Variants in LRBA observed in about 807,000 individuals in gnomAD.
LRBA encodes the protein LPS responsive beige-like anchor protein, also known as lipopolysaccharide-responsive and beige-like anchor protein.
In LRBA, 176 loss-of-function variants were observed where a neutral mutation model predicts 330.0. That is an observed-to-expected ratio of 0.53 (90% CI 0.47 to 0.60). LRBA has a LOEUF of 0.60. LRBA is among the 20% of genes least tolerant of loss of function. The probability of loss-of-function intolerance (pLI) is 0.00; values close to 1 mark genes in which losing one functional copy is unlikely to be tolerated. For missense variants in LRBA, 3,259 were observed against 3,444.8 expected (o/e 0.95, Z 1.35); for synonymous variants, 1,230 against 1,193.0 (o/e 1.03, Z -0.64).
intron 43 of LRBA, among the ~76,000 whole-genome samples, chr4:150,468,499 C>T (rs549418971): frequency 6.6e-4 from 101 of 152,082 alleles, no homozygotes; most frequent in Admixed American, 1.2e-3. Flanking sequence ...AGTCCTTCTA[C>T]ATATGTACAG....
At chr4:150,338,826 T>G (rs1211629644) in intron 48 of LRBA, among the ~76,000 whole-genome samples, 1 of 152,208 alleles carries the variant, frequency 6.6e-6, no homozygotes, top group African/African-American at 2.4e-5. Flanking sequence ...CATGTGACTC[T>G]GGCATTAGTT....
intron 22 of LRBA, among the ~76,000 whole-genome samples, chr4:150,857,679 T>A (rs942940285): frequency 6.6e-6 from 1 of 152,130 alleles, no homozygotes; most frequent in African/African-American, 2.4e-5. Context: ...AAGGAACAGA[T>A]AAAGTATGAT....
chr4:150,753,553 A>G (rs1456296553), intron 35 of LRBA, among the ~76,000 whole-genome samples: 1 of 152,180 alleles, frequency 6.6e-6, no homozygotes, highest in East Asian at 1.9e-4. Flanking sequence ...TGAAACATCT[A>G]TACAAACATA....
intron 37 of LRBA, among the ~76,000 whole-genome samples, chr4:150,664,287 T>G (rs1315050238): frequency 6.6e-6 from 1 of 152,196 alleles, no homozygotes. Flanking sequence ...TAGATATAGA[T>G]CATATAAACA....
chr4:150,497,619 A>G (rs1269390475), intron 40 of LRBA, among the ~76,000 whole-genome samples: 1 of 152,200 alleles, frequency 6.6e-6, no homozygotes, highest in Non-Finnish European at 1.5e-5. Flanking sequence ...TGACAAATTC[A>G]ATTAAACATA....
chr4:150,755,812 T>A (rs1440099079), intron 35 of LRBA, among the ~76,000 whole-genome samples: 1 of 151,598 alleles, frequency 6.6e-6, no homozygotes, highest in African/African-American at 2.4e-5. Context: ...TTTGGGAGGC[T>A]GAATGACTTA....
chr4:150,921,975 G>T (rs10008077), intron 4 of LRBA, among the ~76,000 whole-genome samples: 16 of 152,012 alleles, frequency 1.1e-4, no homozygotes, highest in South Asian at 2.1e-4. Flanking sequence ...CACCTGCCTG[G>T]GCCTCCCAAA....
intron 40 of LRBA, among the ~76,000 whole-genome samples, chr4:150,560,277 G>A (rs1308510066): frequency 6.6e-6 from 1 of 151,862 alleles, no homozygotes; most frequent in African/African-American, 2.4e-5. Context: ...GAGCACGAAT[G>A]ATAAATGAGG....
intron 46 of LRBA, among the ~76,000 whole-genome samples, chr4:150,435,247 AG>A (rs1250484385): frequency 1.3e-5 from 2 of 152,130 alleles, no homozygotes; most frequent in Non-Finnish European, 2.9e-5. Flanking sequence ...GCTACTTGGG[AG>A]GCTGAGGCAG....
At chr4:150,732,312 G>A (rs557626248) in intron 36 of LRBA, among the ~76,000 whole-genome samples, 18 of 151,668 alleles carry the variant, frequency 1.2e-4, no homozygotes, top group South Asian at 1.0e-3. Flanking sequence ...AGGATTACTC[G>A]GTAAATGGGT....
Position 150,852,825 on chromosome 4 carries a change from C to A in LRBA, c.2885G>T (p.Arg962Ile). 3 of 1,613,984 alleles carry A rather than the reference C, an allele frequency of 1.9e-6. No homozygotes were observed. The highest frequency in any genetic ancestry group is 2.5e-6 in the Non-Finnish European group (3 of 1,179,930). The change falls in exon 23 of 57, where the codon AGA (arginine) becomes ATA (isoleucine). Residue 962 changes from arginine (R) to isoleucine (I), a missense_variant. Physicochemically the swap from Arg to Ile is moderately conservative, Grantham distance 97. Coordinates refer to ENST00000651943, the MANE Select transcript of LRBA (RefSeq NM_001364905.1). ...STSVQAASGIRRDINVSVGSQ... is the reference protein window; with the variant it reads ...STSVQAASGIIRDINVSVGSQ... The stretch of plus-strand genomic sequence containing the variant: ...TCCTACTGAAACATTAATATCCCTT[C>A]TAATGCCAGAGGCTGCTTGAACTGA...
At chr4:150,758,990 T>C (rs1250914851) in intron 35 of LRBA, among the ~76,000 whole-genome samples, 1 of 151,026 alleles carries the variant, frequency 6.6e-6, no homozygotes, top group Non-Finnish European at 1.5e-5. Flanking sequence ...TCACAGCTCA[T>C]TGCAGCCTCG....
intron 53 of LRBA, among the ~76,000 whole-genome samples, chr4:150,286,728 C>T (rs1291972840): frequency 3.9e-5 from 6 of 152,144 alleles, no homozygotes; most frequent in Non-Finnish European, 7.4e-5. Flanking sequence ...TATCCAAAAA[C>T]TGGCAGATAT....
chr4:150,277,927 C>T lies in LRBA; in HGVS notation c.8394G>A (p.Ser2798=), dbSNP rs1041843743. ...GATAGGCAAAGAGCTGCTTGAGGTC[C>T]GACACCTGCCGGACCACGACCACTC... ...DRGVVVVRQV[S]DLKQLFAYPG... The change falls in exon 56 of 57, where the codon TCG becomes TCA. Residue 2798 remains serine, a synonymous_variant. Coordinates refer to ENST00000651943, the MANE Select transcript of LRBA (RefSeq NM_001364905.1). The T allele has an allele frequency of 5.0e-6, 8 of 1,614,138 alleles. No homozygotes were observed. Among genetic ancestry groups the T allele is most frequent in the South Asian group, 4.4e-5 (4 of 91,074 alleles).
chr4:150,692,411 G>A (rs1784221652), intron 36 of LRBA, among the ~76,000 whole-genome samples: 1 of 152,024 alleles, frequency 6.6e-6, no homozygotes, highest in Admixed American at 6.6e-5. Context: ...GTAGAGATGA[G>A]GTCTCACTAT....
At chr4:150,591,687 T>C (rs566751515) in intron 38 of LRBA, among the ~76,000 whole-genome samples, 210 of 152,128 alleles carry the variant, frequency 1.4e-3, no homozygotes, top group Admixed American at 2.2e-3. Context: ...CTGGAGCAGC[T>C]TGTGGAGAGC....
intron 53 of LRBA, among the ~76,000 whole-genome samples, chr4:150,293,241 A>T (rs1253134708): frequency 6.6e-6 from 1 of 152,192 alleles, no homozygotes; most frequent in African/African-American, 2.4e-5. Flanking sequence ...AAGCTTTCTC[A>T]TGCGGCTCAC....
In LRBA at chr4:150,447,025, T is replaced by C. The variant is rs10033124; in HGVS notation, c.6781-10161A>G. On this transcript the variant is annotated intron_variant, in intron 44 of 56. Transcript: ENST00000651943. ...GGGACTAGAAATAAGCCAGTAAAGC[T>C]CGGATTTAGAAACCACTGCACCTGC... Among the ~76,000 whole-genome samples, 472 of 152,266 alleles carry C rather than the reference T, an allele frequency of 3.1e-3. 1 individual carries two copies. Among genetic ancestry groups the C allele is most frequent in the African/African-American group, 0.011 (457 of 41,550 alleles).
chr4:150,568,552 G>A (rs914625372), intron 40 of LRBA, among the ~76,000 whole-genome samples: 1 of 152,076 alleles, frequency 6.6e-6, no homozygotes, highest in Non-Finnish European at 1.5e-5. Context: ...ACTATACCTG[G>A]TTTGAAGAGA....
Sources: gnomAD v4.1 joint callset for allele counts (sites outside exome capture counted in the v4.1 genomes callset) on GRCh38, gnomAD v4.1.1 for gene constraint, MANE v1.5 for transcripts, NCBI Gene and HGNC (gene_info 2026-07-23, HGNC 2026-07-21) for gene names.